CDK5RAP2: variants seen among roughly 807,000 people sequenced by gnomAD.
The protein encoded by CDK5RAP2 is CDK5 regulatory subunit associated protein 2.
A neutral mutation model predicts 232.9 loss-of-function variants in CDK5RAP2; 147 were observed. The ratio of observed to expected loss-of-function variants is 0.63; its 90% CI spans 0.55 to 0.72. CDK5RAP2 has a LOEUF of 0.72. CDK5RAP2 is among the 30% of genes least tolerant of loss of function. The pLI, the probability that CDK5RAP2 is intolerant of heterozygous loss-of-function variation, is 0.00. For synonymous variants in CDK5RAP2, 833 were observed against 833.7 expected, an observed-to-expected ratio of 1.00 and a Z score of 0.01; for missense variants, 2,195 against 2,231.5, an observed-to-expected ratio of 0.98 and a Z score of 0.33.
chr9:120,402,932 G>T lies in CDK5RAP2; in HGVS notation c.5181C>A (p.Val1727=). The T allele has an allele frequency of 6.2e-7, 1 of 1,614,176 alleles. No individual in the cohort carries two copies. The highest frequency in any genetic ancestry group is 8.5e-7 in the Non-Finnish European group (1 of 1,180,042). The change falls in exon 34 of 38, where the codon GTC becomes GTA. Residue 1727 remains valine, a synonymous_variant. Transcript: ENST00000349780. The stretch of plus-strand genomic sequence containing the variant: ...CCTCATAGTCCTCAATCAGGCCCAG[G>T]ACATGGCGGCCATTCTTGCTGGCCC... The part of the protein sequence containing the change: ...HLWASKNGRH[V]LGLIEDYEAL...
chr9:120,518,711 C>A, intron 11 of CDK5RAP2, 66 bp from the exon 12 acceptor site: 1 of 1,332,260 alleles, frequency 7.5e-7, no homozygotes. Flanking sequence ...ACCAAGAAAC[C>A]TGGGCTCTTT....
At chr9:120,443,417 T>C (rs1446267719) in intron 23 of CDK5RAP2, among the ~76,000 whole-genome samples, 2 of 152,218 alleles carry the variant, frequency 1.3e-5, no homozygotes, top group Non-Finnish European at 1.5e-5. Context: ...CATCCTACTG[T>C]ACCTTGACTC....
rs2041085704 is a variant in CDK5RAP2 at position 120,530,158 on chromosome 9, T to G, written c.663-18A>C. On this transcript the variant is annotated intron_variant, in intron 7 of 37. Coordinates refer to ENST00000349780, the MANE Select transcript of CDK5RAP2 (RefSeq NM_018249.6). ...CAATCAGTCTAAAAGAGAACAAAAT[T>G]TAAATATTAATTCTAAGCTGTTCTC... The G allele has an allele frequency of 1.2e-6, 2 of 1,600,282 alleles. No individual in the cohort carries two copies. Among genetic ancestry groups the G allele is most frequent in the Non-Finnish European group, 1.7e-6 (2 of 1,169,958 alleles).
At chr9:120,516,326 T>C (rs2040336575) in intron 12 of CDK5RAP2, among the ~76,000 whole-genome samples, 1 of 122,538 alleles carries the variant, frequency 8.2e-6, no homozygotes, top group Non-Finnish European at 1.6e-5. Context: ...CGAGAACACA[T>C]GGACACAGGA....
rs768890859 is a variant in CDK5RAP2 at position 120,415,085 on chromosome 9, T to C, written c.4252A>G (p.Lys1418Glu). The change falls in exon 28 of 38, where the codon AAG (lysine) becomes GAG (glutamate). Residue 1418 changes from lysine to glutamate, a missense_variant. By Grantham distance (56) the Lys-to-Glu change is moderately conservative. Coordinates refer to ENST00000349780, the MANE Select transcript of CDK5RAP2 (RefSeq NM_018249.6). The part of the protein sequence containing the change: ...RLEESIKTNE[K>E]LRKQLERQGS... ...TGCCGTTCCAACTGTTTCCGTAGCTTCTCATTTGTTTTAATAGATTCTTCT... is the reference window on the plus strand; with the variant it reads ...TGCCGTTCCAACTGTTTCCGTAGCTCCTCATTTGTTTTAATAGATTCTTCT... 6.8e-6 allele frequency: 11 copies of C among 1,614,064 alleles called. No homozygotes were observed. The highest frequency in any genetic ancestry group is 9.3e-6 in the Non-Finnish European group (11 of 1,180,008).
intron 21 of CDK5RAP2, among the ~76,000 whole-genome samples, chr9:120,452,108 C>A (rs772899462): frequency 3.3e-5 from 5 of 151,506 alleles, no homozygotes; most frequent in Non-Finnish European, 5.9e-5. Context: ...ACAAAAAAAA[C>A]AAACAAACAA....
At chr9:120,400,139 C>G (rs1199119251) in intron 35 of CDK5RAP2, among the ~76,000 whole-genome samples, 1 of 152,192 alleles carries the variant, frequency 6.6e-6, no homozygotes, top group Non-Finnish European at 1.5e-5. Flanking sequence ...TCTGATTAGC[C>G]AGAGTGGGCG....
At position 120,539,104 on chromosome 9, in the gene CDK5RAP2, A is replaced by C. The variant is rs1274002343; in HGVS notation, c.444T>G (p.Asp148Glu). ...CCACCTGCTGCACCTTCTTTCGAGCATCTTCTTTCACCCGCTGGATTTCAG... is the reference window on the plus strand; with the variant it reads ...CCACCTGCTGCACCTTCTTTCGAGCCTCTTCTTTCACCCGCTGGATTTCAG... The part of the protein sequence containing the change: ...GGSEIQRVKE[D>E]ARKKVQQVED... The change falls in exon 6 of 38, where the codon GAT (aspartate) becomes GAG (glutamate). Residue 148 changes from aspartate (D) to glutamate (E), a missense_variant. Coordinates refer to ENST00000349780, the MANE Select transcript of CDK5RAP2 (RefSeq NM_018249.6). 2 of 1,614,028 alleles carry C rather than the reference A, an allele frequency of 1.2e-6. No homozygotes were observed. The highest frequency in any genetic ancestry group is 1.7e-6 in the Non-Finnish European group (2 of 1,179,926).
At position 120,410,993 on chromosome 9, in the gene CDK5RAP2, A is replaced by G. The variant is rs76078744; in HGVS notation, c.4414+365T>C. 2.6e-5 allele frequency among the ~76,000 whole-genome samples: 4 copies of G among 152,342 alleles called. No individual in the cohort carries two copies. In the East Asian group the frequency reaches 5.8e-4, roughly 22 times the overall value. On this transcript the variant is annotated intron_variant, in intron 29 of 37. Coordinates refer to ENST00000349780, the MANE Select transcript of CDK5RAP2 (RefSeq NM_018249.6). ...CACTAATTGAGATTTTGGCAGTATTATATTTCCAGCCCTTCTTTCTTCCAC... is the reference window on the plus strand; with the variant it reads ...CACTAATTGAGATTTTGGCAGTATTGTATTTCCAGCCCTTCTTTCTTCCAC...
chr9:120,518,731 G>T, intron 11 of CDK5RAP2, 86 bp from the exon 12 acceptor site: 1 of 1,055,346 alleles, frequency 9.5e-7, no homozygotes, highest in Non-Finnish European at 1.4e-6. Context: ...TTTCGCCGTG[G>T]GGGAAAAAAA....
intron 12 of CDK5RAP2, among the ~76,000 whole-genome samples, chr9:120,493,390 G>A (rs1033095670): frequency 6.6e-6 from 1 of 152,196 alleles, no homozygotes; most frequent in African/African-American, 2.4e-5. Flanking sequence ...TTTCCTGTAT[G>A]AGCTGCACCT....
intron 26 of CDK5RAP2, among the ~76,000 whole-genome samples, chr9:120,422,440 A>T (rs1273584719): frequency 1.3e-5 from 2 of 152,236 alleles, no homozygotes; most frequent in African/African-American, 4.8e-5. Context: ...CAACAAATGA[A>T]TATGTCATCT....
intron 1 of CDK5RAP2, 61 bp downstream of exon 1, chr9:120,579,859 C>T (rs1022785255): frequency 1.4e-6 from 2 of 1,386,474 alleles, no homozygotes; most frequent in South Asian, 1.2e-5. Flanking sequence ...CGCGTTAGAA[C>T]GAAATCCCAC....
intron 12 of CDK5RAP2, among the ~76,000 whole-genome samples, chr9:120,504,814 C>A (rs1364002904): frequency 1.3e-5 from 2 of 152,204 alleles, no homozygotes; most frequent in Non-Finnish European, 2.9e-5. Flanking sequence ...ATCTACCAGT[C>A]CCCTCCACCT....
At chr9:120,518,731 G>A (rs1588547281) in intron 11 of CDK5RAP2, 86 bp from the exon 12 acceptor site, 2 of 1,055,344 alleles carry the variant, frequency 1.9e-6, no homozygotes, top group Middle Eastern at 2.3e-4. Flanking sequence ...TTTCGCCGTG[G>A]GGGAAAAAAA....
chr9:120,398,187 A>G (rs2032688318), intron 35 of CDK5RAP2, among the ~76,000 whole-genome samples: 5 of 152,162 alleles, frequency 3.3e-5, no homozygotes, highest in African/African-American at 1.2e-4. Flanking sequence ...AAGTTCATAA[A>G]ATTCTTTTAA....
intron 28 of CDK5RAP2, among the ~76,000 whole-genome samples, chr9:120,412,294 T>C (rs1482159364): frequency 6.6e-6 from 1 of 152,208 alleles, no homozygotes; most frequent in Non-Finnish European, 1.5e-5. Context: ...GCCTTCTCTA[T>C]GTGGCAGACA....
At chr9:120,472,552 G>C (rs2037772649) in intron 15 of CDK5RAP2, among the ~76,000 whole-genome samples, 1 of 152,164 alleles carries the variant, frequency 6.6e-6, no homozygotes, top group South Asian at 2.1e-4. Context: ...AAAAATAAAG[G>C]AAGAGTGAGC....
In CDK5RAP2 at chr9:120,539,074, A is replaced by T. The variant is rs770571297; in HGVS notation, c.474T>A (p.Asp158Glu). 1.9e-6 allele frequency: 3 copies of T among 1,614,044 alleles called. No homozygotes were observed. The highest frequency in any genetic ancestry group is 2.5e-6 in the Non-Finnish European group (3 of 1,179,942). ...AAAGGAGTATTCTTTTAGTTAGGAG[A>T]TCTTCCACCTGCTGCACCTTCTTTC... ...DARKKVQQVE[D>E]LLTKRILLLE... Residue 158 changes from aspartate (D) to glutamate (E), a missense_variant, in exon 6 of 38, where the codon GAT becomes GAA. Asp to Glu is a conservative substitution (Grantham distance 45, BLOSUM62 2). Coordinates refer to ENST00000349780, the MANE Select transcript of CDK5RAP2 (RefSeq NM_018249.6).
Sources: allele counts gnomAD v4.1 joint callset (sites outside exome capture counted in the v4.1 genomes callset), GRCh38; gene constraint gnomAD v4.1.1; transcripts MANE v1.5; gene names NCBI Gene and HGNC (gene_info 2026-07-23, HGNC 2026-07-21).